RBFOX1: variants seen among roughly 807,000 people sequenced by gnomAD.
RBFOX1 encodes RNA binding fox-1 homolog 1, also known as RNA binding protein fox-1 homolog 1.
A neutral mutation model predicts 57.7 loss-of-function variants in RBFOX1; 8 were observed. The observed-to-expected ratio is 0.14, with a 90% CI of 0.08 to 0.25. RBFOX1 has a LOEUF of 0.25. Among genes scored for constraint, RBFOX1 ranks in the 10% least tolerant of loss-of-function variants. The probability of loss-of-function intolerance (pLI) is 1.00; values close to 1 mark genes in which losing one functional copy is unlikely to be tolerated. For missense variants in RBFOX1, 611 were observed against 548.5 expected (o/e 1.11, Z -1.14); for synonymous variants, 326 against 222.4 (o/e 1.47, Z -4.15).
chr16:6,457,222 T>C (rs2094795605), intron 2 of RBFOX1, among the ~76,000 whole-genome samples: 1 of 152,130 alleles, frequency 6.6e-6, no homozygotes. Context: ...TAGCTAGAGA[T>C]GTCAGAAAAT....
chr16:6,753,959 C>A (rs1034876639), intron 3 of RBFOX1, among the ~76,000 whole-genome samples: 4 of 152,068 alleles, frequency 2.6e-5, no homozygotes, highest in African/African-American at 9.7e-5. Context: ...AGAATCACTC[C>A]TTATGGAGCT....
At chr16:6,974,095 A>G (rs1306310923) in intron 3 of RBFOX1, among the ~76,000 whole-genome samples, 1 of 152,152 alleles carries the variant, frequency 6.6e-6, no homozygotes, top group African/African-American at 2.4e-5. Flanking sequence ...TGTCCCTGCA[A>G]AGGACATGAT....
intron 1 of RBFOX1, among the ~76,000 whole-genome samples, chr16:5,419,713 C>T (rs1313170695): frequency 2.6e-5 from 4 of 151,974 alleles, no homozygotes; most frequent in Non-Finnish European, 5.9e-5. Context: ...TCCCAGTGAG[C>T]CTCATCTGAA....
At chr16:7,529,192 C>T (rs750204277) in intron 5 of RBFOX1, among the ~76,000 whole-genome samples, 9 of 152,062 alleles carry the variant, frequency 5.9e-5, no homozygotes, top group Non-Finnish European at 1.3e-4. Context: ...ACCTGGGAGG[C>T]GGAGCTTACA....
intron 4 of RBFOX1, among the ~76,000 whole-genome samples, chr16:7,123,383 G>C (rs2067653350): frequency 2.0e-5 from 3 of 151,868 alleles, no homozygotes; most frequent in Admixed American, 6.6e-5. Context: ...ATTATTTTTT[G>C]AGACAGCGGC....
chr16:6,013,491 T>C (rs2094974186), intron 4 of RBFOX1, among the ~76,000 whole-genome samples: 1 of 152,090 alleles, frequency 6.6e-6, no homozygotes, highest in South Asian at 2.1e-4. Context: ...ATCATTGACA[T>C]GATTCTAAGC....
intron 3 of RBFOX1, among the ~76,000 whole-genome samples, chr16:6,658,927 G>GTTTTTTTGTTTTTTTGTTTTTTT (rs1568088702): frequency 1.6e-5 from 2 of 124,888 alleles, no homozygotes; most frequent in African/African-American, 2.9e-5. Flanking sequence ...TTTGTTTTTT[G>GTTTTTTTGTTTTTTTGTTTTTTT]GTTTTTTTGT....
chr16:5,872,233 T>C (rs2057492095), intron 4 of RBFOX1, among the ~76,000 whole-genome samples: 1 of 152,198 alleles, frequency 6.6e-6, no homozygotes, highest in African/African-American at 2.4e-5. Flanking sequence ...AACAAGGGTC[T>C]GTTGAGCTGT....
chr16:6,723,187 G>A (rs111801028), intron 3 of RBFOX1, among the ~76,000 whole-genome samples: 1 of 152,168 alleles, frequency 6.6e-6, no homozygotes, highest in Admixed American at 6.5e-5. Context: ...GTAATATAGT[G>A]GATAAAAGTG....
At chr16:5,510,019 C>T (rs572476004) in intron 2 of RBFOX1, among the ~76,000 whole-genome samples, 3 of 152,328 alleles carry the variant, frequency 2.0e-5, no homozygotes, top group South Asian at 4.1e-4. Flanking sequence ...CAGCCACGCC[C>T]TACCCCTGGG....
intron 4 of RBFOX1, among the ~76,000 whole-genome samples, chr16:7,251,286 G>C (rs2094490823): frequency 6.6e-6 from 1 of 152,018 alleles, no homozygotes; most frequent in South Asian, 2.1e-4. Flanking sequence ...TCTGTGTGTG[G>C]CTTATTTCAC....
intron 1 of RBFOX1, among the ~76,000 whole-genome samples, chr16:6,303,925 C>T (rs1489350102): frequency 6.8e-6 from 1 of 146,422 alleles, no homozygotes; most frequent in Non-Finnish European, 1.5e-5. Flanking sequence ...GATTCTCTTG[C>T]CTCAGCCTCC....
At chr16:5,663,834 C>G (rs1002648377) in intron 3 of RBFOX1, among the ~76,000 whole-genome samples, 1 of 152,174 alleles carries the variant, frequency 6.6e-6, no homozygotes, top group Non-Finnish European at 1.5e-5. Flanking sequence ...CAAAAGGCAG[C>G]TGTGCATTTT....
At chr16:6,094,802 G>A (rs982868336) in intron 1 of RBFOX1, among the ~76,000 whole-genome samples, 1 of 152,176 alleles carries the variant, frequency 6.6e-6, no homozygotes, top group South Asian at 2.1e-4. Flanking sequence ...GGTGGCTCAC[G>A]CCTGTAATCC....
intron 2 of RBFOX1, among the ~76,000 whole-genome samples, chr16:6,317,782 A>G (rs2152778477): frequency 6.6e-6 from 1 of 152,268 alleles, no homozygotes; most frequent in Admixed American, 6.5e-5. Context: ...CCTCCTCTGC[A>G]ATAGTTTTAT....
chr16:5,454,779 T>TTC lies in RBFOX1; in HGVS notation c.220-12435_220-12434dup, dbSNP rs1597130964. Among the ~76,000 whole-genome samples the TTC allele has an allele frequency of 9.9e-5, 15 of 151,418 alleles. No individual in the cohort carries two copies. The South Asian group carries it at 1.9e-3, about 19-fold the overall frequency. ...CTTTTCTTTCTTTCTCTTTCTTTCT[T>TTC]TCTTTCTTTCTCTTTCTTTCTTTCT... is the stretch of plus-strand genomic sequence containing the variant. On this transcript the variant is annotated intron_variant, in intron 1 of 2. Coordinates refer to the RBFOX1 transcript ENST00000585867.
intron 1 of RBFOX1, among the ~76,000 whole-genome samples, chr16:6,227,085 C>G (rs930577799): frequency 2.0e-4 from 30 of 151,806 alleles, no homozygotes; most frequent in African/African-American, 6.8e-4. Flanking sequence ...GATTGTGCCA[C>G]TGAACTCCAG....
chr16:7,342,995 A>G (rs987764206), intron 4 of RBFOX1, among the ~76,000 whole-genome samples: 2 of 152,102 alleles, frequency 1.3e-5, no homozygotes, highest in African/African-American at 4.8e-5. Context: ...ACATGCTGGG[A>G]CTGGAACTGG....
chr16:7,020,946 G>GT (rs1218141131), intron 3 of RBFOX1, among the ~76,000 whole-genome samples: 1 of 152,124 alleles, frequency 6.6e-6, no homozygotes, highest in African/African-American at 2.4e-5. Flanking sequence ...GGCCAACATG[G>GT]TGAAATCCTG....
Sources: gnomAD v4.1 joint callset for allele counts (sites outside exome capture counted in the v4.1 genomes callset) on GRCh38, gnomAD v4.1.1 for gene constraint, MANE v1.5 for transcripts, NCBI Gene and HGNC (gene_info 2026-07-23, HGNC 2026-07-21) for gene names.